The following IGFL4 variants were observed in gnomAD, a reference collection of about 807,000 sequenced individuals.
The protein encoded by IGFL4 is insulin growth factor-like family member 4.
In IGFL4, 12 loss-of-function variants were observed where a neutral mutation model predicts 15.4. That is an observed-to-expected ratio of 0.78 (90% CI 0.50 to 1.26). The LOEUF is 1.26. Among genes scored for constraint, IGFL4 ranks in the 50% most tolerant of loss-of-function variants. IGFL4 has a pLI of 0.00. For missense variants in IGFL4, 126 were observed against 147.8 expected (o/e 0.85, Z 0.76); for synonymous variants, 54 against 55.9 (o/e 0.97, Z 0.16).
At position 46,052,363 on chromosome 19, in the gene IGFL4, A is replaced by T. The variant is rs539138233; in HGVS notation, c.-323+7822T>A. Among the ~76,000 whole-genome samples the T allele has an allele frequency of 1.7e-4, 26 of 152,354 alleles. 1 individual carries two copies. The South Asian group carries it at 5.2e-3, about 30-fold the overall frequency. On this transcript the variant is annotated intron_variant, in intron 2 of 5. Transcript: ENST00000601672. ...GGAACCTTCAAAACCATGCAAATAC[A>T]TGGAAATTAAATAACCTGCTCCTGA...
intron 2 of IGFL4, among the ~76,000 whole-genome samples, chr19:46,049,849 G>A (rs1969329573): frequency 6.6e-6 from 1 of 152,162 alleles, no homozygotes; most frequent in Admixed American, 6.5e-5. Flanking sequence ...CCTGGCTGGA[G>A]GCCAACCAAC....
At position 46,065,717 on chromosome 19, in the gene IGFL4, A is replaced by G. The variant is rs554888643; in HGVS notation, c.-431-5424T>C. Among the ~76,000 whole-genome samples, 15 of 152,382 alleles carry G rather than the reference A, an allele frequency of 9.8e-5. No homozygotes were observed. The South Asian group carries it at 3.1e-3, about 32-fold the overall frequency. Reference sequence around the variant, plus strand: ...AGATTCCAATCCGGGCCTTAGCCCCAGGATATTGTCCACAGAAATGTGGAG... The same window carrying G: ...AGATTCCAATCCGGGCCTTAGCCCCGGGATATTGTCCACAGAAATGTGGAG... On this transcript the variant is annotated intron_variant, in intron 1 of 5. Transcript: ENST00000601672.
At chr19:46,068,163 A>T (rs144104541) in intron 1 of IGFL4, among the ~76,000 whole-genome samples, 1 of 152,312 alleles carries the variant, frequency 6.6e-6, no homozygotes, top group Admixed American at 6.5e-5. Flanking sequence ...TTTGTCACAG[A>T]TGCTCTTCAA....
intron 1 of IGFL4, among the ~76,000 whole-genome samples, chr19:46,066,696 T>A (rs1969498169): frequency 6.6e-6 from 1 of 151,994 alleles, no homozygotes; most frequent in African/African-American, 2.4e-5. Flanking sequence ...AGAGGAAGTG[T>A]CACACATTTT....
intron 1 of IGFL4, among the ~76,000 whole-genome samples, chr19:46,076,140 C>G (rs1969593265): frequency 6.6e-6 from 1 of 152,182 alleles, no homozygotes. Context: ...CAGACTTCCT[C>G]CAGCACTTTT....
At chr19:46,053,094 G>A (rs1182983152) in intron 2 of IGFL4, among the ~76,000 whole-genome samples, 2 of 152,122 alleles carry the variant, frequency 1.3e-5, no homozygotes, top group Non-Finnish European at 2.9e-5. Flanking sequence ...GGATAGGCAA[G>A]TTGTATAATT....
intron 2 of IGFL4, among the ~76,000 whole-genome samples, chr19:46,054,356 A>G (rs1969374560): frequency 6.6e-6 from 1 of 152,198 alleles, no homozygotes; most frequent in Non-Finnish European, 1.5e-5. Flanking sequence ...TATGTATTAA[A>G]GAGACTGTCC....
chr19:46,076,040 T>C (rs976158415), intron 1 of IGFL4, among the ~76,000 whole-genome samples: 1 of 152,236 alleles, frequency 6.6e-6, no homozygotes, highest in African/African-American at 2.4e-5. Context: ...TTCAAACACC[T>C]GCAGAGTCAG....
upstream of IGFL4, among the ~76,000 whole-genome samples, chr19:46,045,169 G>C (rs1969285985): frequency 6.6e-6 from 1 of 152,134 alleles, no homozygotes; most frequent in African/African-American, 2.4e-5. Flanking sequence ...AATAGGCCAG[G>C]CGCAGTGGCT....
At chr19:46,052,507 C>T (rs750500027) in intron 2 of IGFL4, among the ~76,000 whole-genome samples, 1 of 151,876 alleles carries the variant, frequency 6.6e-6, no homozygotes, top group African/African-American at 2.4e-5. Context: ...GCATTAAATA[C>T]CTACATCAAA....
intron 2 of IGFL4, among the ~76,000 whole-genome samples, chr19:46,050,212 C>T (rs773636435): frequency 6.6e-6 from 1 of 152,098 alleles, no homozygotes; most frequent in East Asian, 1.9e-4. Context: ...TCTGCCCAAA[C>T]GAGAAAGGAA....
At chr19:46,068,188 A>G (rs969229613) in intron 1 of IGFL4, among the ~76,000 whole-genome samples, 8 of 152,304 alleles carry the variant, frequency 5.3e-5, no homozygotes, top group Admixed American at 4.6e-4. Context: ...TTCCGCCACC[A>G]TGTGTCACCA....
chr19:46,069,104 C>A (rs1265332903), intron 1 of IGFL4, among the ~76,000 whole-genome samples: 1 of 152,090 alleles, frequency 6.6e-6, no homozygotes, highest in Non-Finnish European at 1.5e-5. Flanking sequence ...AAAATGCCTC[C>A]CTGGAAAACC....
chr19:46,040,170 C>A lies in IGFL4; in HGVS notation c.317G>T (p.Arg106Met). The A allele has an allele frequency of 6.2e-7, 1 of 1,613,848 alleles. No individual in the cohort carries two copies. Among genetic ancestry groups the A allele is most frequent in the Non-Finnish European group, 8.5e-7 (1 of 1,180,018 alleles). ...TCAGATCCTTACCTGGGCACAGATC[C>A]TGGTGATAGGGGAGGACTTGCAATC... ...KPDCKSSPIT[R>M]ICAQEYHPKS... is the part of the protein sequence containing the mutation. Residue 106 changes from arginine to methionine, a missense_variant, in exon 3 of 4, where the codon AGG becomes ATG. Transcript: ENST00000377697. The surrounding 1 kb of genome is among the most constrained non-coding windows in gnomAD (Gnocchi z 4.1).
intron 2 of IGFL4, chr19:46,057,944 AC>A: frequency 1.3e-5 from 2 of 152,288 alleles, no homozygotes; most frequent in Middle Eastern, 6.8e-3. Context: ...TATGGGAGCT[AC>A]AATTCAAGAT....
upstream of IGFL4, among the ~76,000 whole-genome samples, chr19:46,041,835 CT>C (rs1468057636): frequency 1.6e-5 from 2 of 122,796 alleles, no homozygotes; most frequent in African/African-American, 6.4e-5. Flanking sequence ...CCTCCTCTCT[CT>C]CTTTTTTTTT....
chr19:46,076,348 C>T (rs1296891175), intron 1 of IGFL4, among the ~76,000 whole-genome samples: 1 of 152,198 alleles, frequency 6.6e-6, no homozygotes, highest in East Asian at 1.9e-4. Context: ...CAGCTTTGGC[C>T]ACTGGGAGCT....
intron 1 of IGFL4, among the ~76,000 whole-genome samples, chr19:46,072,558 A>C (rs1003977357): frequency 2.0e-5 from 3 of 152,156 alleles, no homozygotes; most frequent in African/African-American, 7.2e-5. Context: ...GTTTAATGTC[A>C]CTCACAGTTT....
intron 2 of IGFL4, among the ~76,000 whole-genome samples, chr19:46,056,172 G>A (rs901019816): frequency 2.0e-5 from 3 of 152,174 alleles, no homozygotes; most frequent in Non-Finnish European, 1.5e-5. Context: ...AGAAGTAATA[G>A]GGAATATTAA....
Sources: allele counts gnomAD v4.1 joint callset (sites outside exome capture counted in the v4.1 genomes callset), GRCh38; gene constraint gnomAD v4.1.1; non-coding constraint Gnocchi (gnomAD v3.1); transcripts MANE v1.5; gene names NCBI Gene and HGNC (gene_info 2026-07-23, HGNC 2026-07-21).